MYT1L: variants seen among roughly 807,000 people sequenced by gnomAD.
MYT1L encodes the protein myelin transcription factor 1 like.
A neutral mutation model predicts 126.7 loss-of-function variants in MYT1L; 12 were observed. That is an observed-to-expected ratio of 0.09 (90% CI 0.06 to 0.15). The LOEUF (loss-of-function observed/expected upper bound fraction) is 0.15, where lower values mean the gene tolerates loss of function less well. MYT1L is among the 10% of genes least tolerant of loss of function. The probability of loss-of-function intolerance (pLI) is 1.00; values close to 1 mark genes in which losing one functional copy is unlikely to be tolerated. For synonymous variants in MYT1L, 541 were observed against 604.2 expected (o/e 0.90, Z 1.53); for missense variants, 979 against 1,585.2 (o/e 0.62, Z 6.49).
At chr2:1,888,767 T>C (rs1370339690) in intron 16 of MYT1L, among the ~76,000 whole-genome samples, 1 of 152,220 alleles carries the variant, frequency 6.6e-6, no homozygotes, top group Non-Finnish European at 1.5e-5. Flanking sequence ...TAAAATAGTT[T>C]ATTCAAGGCT....
chr2:2,023,625 T>G (rs2065246502), intron 4 of MYT1L, among the ~76,000 whole-genome samples: 1 of 145,222 alleles, frequency 6.9e-6, no homozygotes, highest in African/African-American at 2.7e-5. Flanking sequence ...CTTTTGCTGT[T>G]TTTTTTTTTT....
At chr2:1,904,561 G>C (rs1193729725) in intron 13 of MYT1L, among the ~76,000 whole-genome samples, 1 of 151,758 alleles carries the variant, frequency 6.6e-6, no homozygotes, top group Non-Finnish European at 1.5e-5. Flanking sequence ...AGTGGAGACA[G>C]GGTTTCACCA....
intron 4 of MYT1L, among the ~76,000 whole-genome samples, chr2:2,006,209 C>CT (rs1199768222): frequency 2.0e-5 from 3 of 152,162 alleles, no homozygotes; most frequent in Non-Finnish European, 4.4e-5. Context: ...ATGTGGTACT[C>CT]TAACAGTCTG....
chr2:2,138,227 C>G (rs2083349693), intron 3 of MYT1L, among the ~76,000 whole-genome samples: 1 of 150,448 alleles, frequency 6.6e-6, no homozygotes, highest in Admixed American at 6.6e-5. Flanking sequence ...GAAATAGGAA[C>G]ACTTTTACAC....
intron 1 of MYT1L, among the ~76,000 whole-genome samples, chr2:2,295,561 CAGACAG>C (rs2095660342): frequency 9.0e-6 from 1 of 111,536 alleles, no homozygotes; most frequent in African/African-American, 3.5e-5. Context: ...GAGAGACAGA[CAGACAG>C]AGAGAGAGAG....
intron 2 of MYT1L, among the ~76,000 whole-genome samples, chr2:2,217,703 CAACA>C (rs1279493867): frequency 5.4e-5 from 4 of 74,040 alleles, no homozygotes; most frequent in East Asian, 3.3e-4. Flanking sequence ...ACAACAACAA[CAACA>C]AAAAAAAAAA....
chr2:1,791,797 T>C lies in MYT1L; in HGVS notation c.*70A>G. The C allele has an allele frequency of 7.2e-7, 1 of 1,384,212 alleles. No homozygotes were observed. Among genetic ancestry groups the C allele is most frequent in the Non-Finnish European group, 9.7e-7 (1 of 1,034,952 alleles). The allele number at this position is 1,384,212 out of a possible 1,614,324, so 85.7% of individuals were successfully genotyped here. A position where few individuals can be genotyped will look rare whatever the true frequency, so the allele number is the denominator to read the frequency against. On this transcript the variant is annotated 3_prime_UTR_variant, in exon 25 of 25. Transcript: ENST00000647738. The surrounding 1 kb of genome is among the most constrained non-coding windows in gnomAD (Gnocchi z 6.0). ...ACAGAAATAAATATAGAACACTTTCTGGTAAGTTACAGCAGCAAAAAACAA... is the reference window on the plus strand; with the variant it reads ...ACAGAAATAAATATAGAACACTTTCCGGTAAGTTACAGCAGCAAAAAACAA...
At chr2:1,808,037 G>A (rs538027365) in intron 22 of MYT1L, among the ~76,000 whole-genome samples, 1 of 152,228 alleles carries the variant, frequency 6.6e-6, no homozygotes, top group East Asian at 1.9e-4. Flanking sequence ...CTGCCGCCAT[G>A]TGAAGAAGGA....
chr2:2,056,835 T>C (rs1436926176), intron 3 of MYT1L, among the ~76,000 whole-genome samples: 1 of 152,248 alleles, frequency 6.6e-6, no homozygotes, highest in African/African-American at 2.4e-5. Flanking sequence ...AAAGTTTTGC[T>C]GGCCTTTCTC....
Position 2,197,032 on chromosome 2 carries a change from G to A in MYT1L, c.-420-24044C>T, listed in dbSNP as rs541275172. ...AATATATTACAGTGCGAATGTTAAG[G>A]AAAATTATTATAAATTTTTAAAAAT... On this transcript the variant is annotated intron_variant, in intron 2 of 24. Coordinates refer to ENST00000647738, the MANE Select transcript of MYT1L (RefSeq NM_001303052.2). Among the ~76,000 whole-genome samples the A allele has an allele frequency of 1.0e-3, 154 of 152,194 alleles. 1 individual carries two copies. The highest frequency in any genetic ancestry group is 3.4e-3 in the Middle Eastern group (1 of 294).
intron 1 of MYT1L, among the ~76,000 whole-genome samples, chr2:2,310,830 C>T (rs1486330646): frequency 6.6e-6 from 1 of 152,106 alleles, no homozygotes; most frequent in Non-Finnish European, 1.5e-5. Flanking sequence ...CTTATAATCC[C>T]TAGCATCTAA....
intron 3 of MYT1L, among the ~76,000 whole-genome samples, chr2:2,069,473 G>A (rs927226567): frequency 2.7e-4 from 41 of 152,232 alleles, no homozygotes; most frequent in African/African-American, 9.4e-4. Context: ...GTCTATCATT[G>A]ATAGGCATTT....
chr2:2,108,000 G>T (rs2078957023), intron 3 of MYT1L, among the ~76,000 whole-genome samples: 1 of 152,102 alleles, frequency 6.6e-6, no homozygotes, highest in South Asian at 2.1e-4. Context: ...CTAAGAAATC[G>T]GGGCATATGC....
chr2:2,033,277 T>A (rs1250879198), intron 4 of MYT1L, among the ~76,000 whole-genome samples: 1 of 121,554 alleles, frequency 8.2e-6, no homozygotes, highest in Non-Finnish European at 1.7e-5. Flanking sequence ...GTGCCTCTCA[T>A]CCTGTGGCCC....
At chr2:2,256,603 T>C (rs1348803986) in intron 2 of MYT1L, among the ~76,000 whole-genome samples, 1 of 152,236 alleles carries the variant, frequency 6.6e-6, no homozygotes, top group Non-Finnish European at 1.5e-5. Context: ...AAAGAGATGC[T>C]ATAACCTTTA....
chr2:1,856,023 T>G (rs1037995799), intron 18 of MYT1L, among the ~76,000 whole-genome samples: 2 of 152,184 alleles, frequency 1.3e-5, no homozygotes, highest in African/African-American at 4.8e-5. Flanking sequence ...TAAAATATTT[T>G]AAGCAGTATT....
At chr2:2,185,016 T>C (rs906013202) in intron 2 of MYT1L, among the ~76,000 whole-genome samples, 2 of 152,214 alleles carry the variant, frequency 1.3e-5, no homozygotes, top group African/African-American at 4.8e-5. Flanking sequence ...GCGTCTACTT[T>C]AGAAGGCTTG....
At chr2:1,874,129 A>T (rs2046586702) in intron 18 of MYT1L, among the ~76,000 whole-genome samples, 1 of 152,074 alleles carries the variant, frequency 6.6e-6, no homozygotes, top group Admixed American at 6.5e-5. Context: ...TGTTCTCAGC[A>T]ACCCAATATT....
At chr2:2,008,427 T>C (rs1170012317) in intron 4 of MYT1L, among the ~76,000 whole-genome samples, 1 of 152,228 alleles carries the variant, frequency 6.6e-6, no homozygotes, top group Non-Finnish European at 1.5e-5. Context: ...GCGTTTCCCA[T>C]TTGAGGAGTG....
Sources: gnomAD v4.1 joint callset for allele counts (sites outside exome capture counted in the v4.1 genomes callset) on GRCh38, gnomAD v4.1.1 for gene constraint, Gnocchi (gnomAD v3.1) non-coding constraint, MANE v1.5 for transcripts, NCBI Gene and HGNC (gene_info 2026-07-23, HGNC 2026-07-21) for gene names.